CELF2: variants seen among roughly 807,000 people sequenced by gnomAD.
CELF2 encodes CUGBP Elav-like family member 2, also known as CUG triplet repeat RNA-binding protein 2.
In CELF2, 8 loss-of-function variants were observed where a neutral mutation model predicts 62.6. The observed-to-expected ratio is 0.13, with a 90% CI of 0.07 to 0.23. The LOEUF is 0.23. Among genes scored for constraint, CELF2 ranks in the 10% least tolerant of loss-of-function variants. The pLI, the probability that CELF2 is intolerant of heterozygous loss-of-function variation, is 1.00. For missense variants in CELF2, 333 were observed against 671.0 expected (o/e 0.50, Z 5.56); for synonymous variants, 258 against 250.0 (o/e 1.03, Z -0.30).
At chr10:11,198,047 A>G (rs902589510) in intron 2 of CELF2, among the ~76,000 whole-genome samples, 1 of 152,214 alleles carries the variant, frequency 6.6e-6, no homozygotes, top group Non-Finnish European at 1.5e-5. Context: ...TTATTGCTTT[A>G]AATTGGAATC....
At chr10:10,954,319 C>T (rs1478309388) in intron 2 of CELF2, among the ~76,000 whole-genome samples, 1 of 151,410 alleles carries the variant, frequency 6.6e-6, no homozygotes, top group Non-Finnish European at 1.5e-5. Context: ...GATCTTGGCT[C>T]ACTGCACCCT....
intron 1 of CELF2, among the ~76,000 whole-genome samples, chr10:10,854,711 T>C (rs1487907055): frequency 6.6e-6 from 1 of 152,024 alleles, no homozygotes; most frequent in Admixed American, 6.6e-5. Context: ...AAATTCCAAC[T>C]TGCAATTTAA....
At chr10:10,747,027 G>A in the CELF2 span, among the ~76,000 whole-genome samples, 17 of 152,346 alleles carry the variant, frequency 1.1e-4, no homozygotes, top group East Asian at 2.5e-3. Context: ...CTTCCTTGAA[G>A]TAAGTCCTTA....
rs1264209617 is a variant in CELF2, at chr10:11,098,970, G to T, written c.75-66516G>T. ...AATGCAGATAACAGACAGAAATGCA[G>T]ATAAGCTTTGCCATAAGAAACGCAC... On this transcript the variant is annotated intron_variant, in intron 1 of 12. Coordinates refer to ENST00000633077, the MANE Select transcript of CELF2 (RefSeq NM_001326342.2). The surrounding 1 kb of genome is among the most constrained non-coding windows in gnomAD (Gnocchi z 4.0). Among the ~76,000 whole-genome samples, 1 of 152,188 alleles carries T rather than the reference G, an allele frequency of 6.6e-6. No homozygotes were observed. The highest frequency in any genetic ancestry group is 6.5e-5 in the Admixed American group (1 of 15,282).
the CELF2 span, among the ~76,000 whole-genome samples, chr10:10,781,504 A>G: frequency 6.6e-6 from 1 of 152,206 alleles, no homozygotes; most frequent in African/African-American, 2.4e-5. Flanking sequence ...GGCAGGCTGG[A>G]ATGTGTGTGC....
chr10:10,556,566 T>C, the CELF2 span, among the ~76,000 whole-genome samples: 19,214 of 152,028 alleles, frequency 0.13, 1,325 homozygotes, highest in South Asian at 0.19. Flanking sequence ...GATGGCTGGG[T>C]CAAATGGTAT....
chr10:10,768,866 G>A, the CELF2 span, among the ~76,000 whole-genome samples: 2 of 152,186 alleles, frequency 1.3e-5, no homozygotes, highest in South Asian at 2.1e-4. Flanking sequence ...GAGCCACTGC[G>A]CCTGACCCTC....
At chr10:11,048,734 A>G (rs2063318298) in intron 1 of CELF2, among the ~76,000 whole-genome samples, 1 of 152,256 alleles carries the variant, frequency 6.6e-6, no homozygotes, top group South Asian at 2.1e-4. Context: ...ATTACAGAGC[A>G]CTGTCATTTT....
At chr10:11,073,696 A>C (rs2070898223) in intron 1 of CELF2, among the ~76,000 whole-genome samples, 2 of 152,178 alleles carry the variant, frequency 1.3e-5, no homozygotes, top group South Asian at 2.1e-4. Context: ...TGGGCCTCAC[A>C]GAGTGCTGAT....
At chr10:10,971,303 T>C (rs1404099303) in intron 2 of CELF2, among the ~76,000 whole-genome samples, 1 of 152,228 alleles carries the variant, frequency 6.6e-6, no homozygotes, top group Non-Finnish European at 1.5e-5. Context: ...TCTGTCTTAC[T>C]CTTGGTTCCT....
intron 1 of CELF2, among the ~76,000 whole-genome samples, chr10:11,131,445 G>A (rs879028089): frequency 6.6e-6 from 1 of 152,164 alleles, no homozygotes; most frequent in Admixed American, 6.5e-5. Flanking sequence ...AACTGTTGGG[G>A]TTATCCTGGA....
At chr10:10,869,390 C>T (rs916074098) in intron 1 of CELF2, among the ~76,000 whole-genome samples, 1 of 152,074 alleles carries the variant, frequency 6.6e-6, no homozygotes, top group East Asian at 1.9e-4. Flanking sequence ...AGTGAAACCC[C>T]ATCTCTACTA....
chr10:10,485,222 TA>T, the CELF2 span, among the ~76,000 whole-genome samples: 1 of 152,236 alleles, frequency 6.6e-6, no homozygotes, highest in Non-Finnish European at 1.5e-5. Context: ...TAATCTTGAT[TA>T]AAATGTTTAA....
the CELF2 span, among the ~76,000 whole-genome samples, chr10:10,645,712 A>G: frequency 2.2e-4 from 34 of 152,340 alleles, 3 homozygotes; most frequent in East Asian, 6.4e-3. Flanking sequence ...TCCAGAGTGC[A>G]GGGAGAGTGT....
the CELF2 span, among the ~76,000 whole-genome samples, chr10:10,597,009 C>G: frequency 6.6e-6 from 1 of 152,194 alleles, no homozygotes; most frequent in African/African-American, 2.4e-5. Context: ...CAACTACTAC[C>G]AAAGCACCAG....
At chr10:10,636,415 G>T in the CELF2 span, among the ~76,000 whole-genome samples, 1 of 152,076 alleles carries the variant, frequency 6.6e-6, no homozygotes, top group African/African-American at 2.4e-5. Context: ...AAATAGCCTG[G>T]AGTTCAGCAA....
the CELF2 span, among the ~76,000 whole-genome samples, chr10:10,715,139 G>A: frequency 6.6e-6 from 1 of 152,158 alleles, no homozygotes; most frequent in Admixed American, 6.5e-5. Flanking sequence ...CAATAGCAAA[G>A]TATGTTAACA....
At chr10:10,690,104 T>C in the CELF2 span, among the ~76,000 whole-genome samples, 29,982 of 152,120 alleles carry the variant, frequency 0.2, 3,306 homozygotes, top group South Asian at 0.41. Context: ...TCTCTTTGTA[T>C]CATTTTTCTG....
intron 2 of CELF2, among the ~76,000 whole-genome samples, chr10:10,970,046 C>A (rs2050595772): frequency 6.6e-6 from 1 of 152,020 alleles, no homozygotes; most frequent in African/African-American, 2.4e-5. Context: ...TGGGTAATTT[C>A]CATTTGTGTG....
Sources: allele counts gnomAD v4.1 joint callset (sites outside exome capture counted in the v4.1 genomes callset), GRCh38; gene constraint gnomAD v4.1.1; non-coding constraint Gnocchi (gnomAD v3.1); transcripts MANE v1.5; gene names NCBI Gene and HGNC (gene_info 2026-07-23, HGNC 2026-07-21).